The following AHNAK variants were observed in gnomAD, a reference collection of about 807,000 sequenced individuals.
The protein encoded by AHNAK is neuroblast differentiation-associated protein AHNAK.
In AHNAK, 23 loss-of-function variants were observed where a neutral mutation model predicts 37.8. The ratio of observed to expected loss-of-function variants is 0.61; its 90% CI spans 0.44 to 0.86. The LOEUF is 0.86. AHNAK is among the 40% of genes least tolerant of loss of function. The pLI, the probability that AHNAK is intolerant of heterozygous loss-of-function variation, is 0.00. For synonymous variants in AHNAK, 2,481 were observed against 2,636.3 expected (o/e 0.94, Z 1.80); for missense variants, 7,411 against 7,319.4 (o/e 1.01, Z -0.46).
intron 5 of AHNAK, among the ~76,000 whole-genome samples, chr11:62,478,598 A>G (rs1939197101): frequency 6.6e-6 from 1 of 151,912 alleles, no homozygotes; most frequent in African/African-American, 2.4e-5. Flanking sequence ...AACGACAAAA[A>G]TTAGCTGGGC....
At chr11:62,464,545 G>C (rs955545304) in intron 5 of AHNAK, among the ~76,000 whole-genome samples, 28 of 152,082 alleles carry the variant, frequency 1.8e-4, no homozygotes, top group African/African-American at 6.8e-4. Context: ...CCACGCACCT[G>C]TAGTCCCAGC....
chr11:62,487,238 C>T (rs901752439), intron 5 of AHNAK, among the ~76,000 whole-genome samples: 1 of 152,206 alleles, frequency 6.6e-6, no homozygotes, highest in Non-Finnish European at 1.5e-5. Context: ...GGCAATAGTT[C>T]GCTTTATCTT....
At chr11:62,484,024 G>A (rs1189833147) in intron 5 of AHNAK, among the ~76,000 whole-genome samples, 91 of 111,418 alleles carry the variant, frequency 8.2e-4, no homozygotes, top group African/African-American at 2.9e-3. Context: ...GCAACAGAGC[G>A]AGACTCCATC....
chr11:62,518,906 G>A lies in AHNAK; in HGVS notation c.15511C>T (p.Pro5171Ser), dbSNP rs1940124333. The change falls in exon 5 of 5, where the codon CCT becomes TCT. Residue 5171 changes from proline to serine, a missense_variant. Transcript: ENST00000378024. Reference protein sequence around the residue: ...GPKVQANLGAPDINIEGLDAK... With the variant: ...GPKVQANLGASDINIEGLDAK... ...TCTAGGCCTTCGATGTTGATGTCAG[G>A]TGCACCCAAGTTTGCCTGCACTTTG... is the stretch of plus-strand genomic sequence containing the variant. 1.1e-5 allele frequency: 17 copies of A among 1,614,202 alleles called. No individual in the cohort carries two copies. The highest frequency in any genetic ancestry group is 1.4e-5 in the Non-Finnish European group (17 of 1,180,034).
chr11:62,461,540 G>T (rs898467582), intron 5 of AHNAK, among the ~76,000 whole-genome samples: 1 of 152,096 alleles, frequency 6.6e-6, no homozygotes, highest in Non-Finnish European at 1.5e-5. Flanking sequence ...AGTTAGAGAA[G>T]GGCCAAGCCT....
chr11:62,509,355 G>A (rs1306706886), intron 4 of AHNAK, among the ~76,000 whole-genome samples: 2 of 151,716 alleles, frequency 1.3e-5, no homozygotes, highest in Non-Finnish European at 2.9e-5. Context: ...ATCACTTGAG[G>A]TCAGGAGTTC....
At chr11:62,479,377 G>A (rs1052970945) in intron 5 of AHNAK, among the ~76,000 whole-genome samples, 2 of 151,610 alleles carry the variant, frequency 1.3e-5, no homozygotes, top group African/African-American at 4.8e-5. Context: ...ACGTTGGTCA[G>A]GCTGATCTCG....
chr11:62,475,183 G>A (rs1173619538), intron 5 of AHNAK, among the ~76,000 whole-genome samples: 2 of 152,114 alleles, frequency 1.3e-5, no homozygotes, highest in South Asian at 2.1e-4. Context: ...GGTGCCTGTA[G>A]TCCCAGCTAC....
intron 1 of AHNAK, among the ~76,000 whole-genome samples, chr11:62,541,322 G>T (rs947450966): frequency 1.3e-5 from 2 of 152,180 alleles, no homozygotes; most frequent in African/African-American, 4.8e-5. Flanking sequence ...GAGGGTACCG[G>T]CCACAGTGAA....
At chr11:62,455,461 A>T (rs1466279691) in intron 5 of AHNAK, among the ~76,000 whole-genome samples, 1 of 151,450 alleles carries the variant, frequency 6.6e-6, no homozygotes, top group Non-Finnish European at 1.5e-5. Flanking sequence ...ATCCCAGCAC[A>T]TTGGGAGGTC....
rs745967516 is a variant in AHNAK, at chr11:62,524,596, G to C, written c.9821C>G (p.Ala3274Gly). 6.2e-7 allele frequency: 1 copy of C among 1,613,730 alleles called. No homozygotes were observed. Among genetic ancestry groups the C allele is most frequent in the African/African-American group, 1.3e-5 (1 of 74,874 alleles). ...CTTCAGTTTTGGACCTTTTAATTTG[G>C]CATCTGGGCCATGAATGTCAATATC... is the stretch of plus-strand genomic sequence containing the variant. ...APDIDIHGPD[A>G]KLKGPKLKMP... Residue 3274 changes from alanine to glycine, a missense_variant, in exon 5 of 5, where the codon GCC (alanine) becomes GGC (glycine). Transcript: ENST00000378024.
intron 1 of AHNAK, among the ~76,000 whole-genome samples, chr11:62,543,698 T>A (rs1215237391): frequency 6.6e-6 from 1 of 151,834 alleles, no homozygotes; most frequent in Non-Finnish European, 1.5e-5. Context: ...GCCTTGGGAG[T>A]CCCACCGGAT....
At chr11:62,441,690 T>C (rs986742524) in intron 5 of AHNAK, among the ~76,000 whole-genome samples, 5 of 151,822 alleles carry the variant, frequency 3.3e-5, no homozygotes, top group African/African-American at 1.2e-4. Context: ...TCAGTAGAGA[T>C]GGGGTTTCAC....
rs758110587 is a variant in AHNAK, at chr11:62,528,203, A to G, written c.6214T>C (p.Leu2072=). The change falls in exon 5 of 5, where the codon TTG becomes CTG. Residue 2072 remains leucine, a synonymous_variant. Coordinates refer to ENST00000378024, the MANE Select transcript of AHNAK (RefSeq NM_001620.3). ...GAGACAACAACATCAGCCTTGGGCA[A>G]GTTCACATCCACTTCTGGGCCCTCT... ...KAEGPEVDVN[L]PKADVVVSGP... 1.6e-5 allele frequency: 26 copies of G among 1,613,788 alleles called. No homozygotes were observed. Among genetic ancestry groups the G allele is most frequent in the Non-Finnish European group, 2.0e-5 (24 of 1,179,992 alleles).
chr11:62,444,686 G>T (rs904891565), intron 5 of AHNAK, among the ~76,000 whole-genome samples: 13 of 152,194 alleles, frequency 8.5e-5, no homozygotes, highest in African/African-American at 3.1e-4. Flanking sequence ...CCTTTCCCAT[G>T]GGGCACAGCA....
At chr11:62,433,870 C>G (rs1938101495) in exon 6 of AHNAK, 3 of 1,613,884 alleles carry the variant, frequency 1.9e-6, no homozygotes, top group Non-Finnish European at 2.5e-6. Context: ...GGGTGGTTTT[C>G]TTCCTGGCCG....
chr11:62,509,394 C>CA (rs1939867443), intron 4 of AHNAK, among the ~76,000 whole-genome samples: 1 of 152,070 alleles, frequency 6.6e-6, no homozygotes, highest in Non-Finnish European at 1.5e-5. Context: ...ACTAAAAATA[C>CA]AAAAAATTAG....
Position 62,483,198 on chromosome 11 carries a change from G to A in AHNAK, c.442+8534C>T, listed in dbSNP as rs1237529480. Reference sequence around the variant, plus strand: ...GACGCTACGTGGCAACAGCATCGGGGTAGGGTGGGCTGCAGGCCTTCTGCT... The same window carrying A: ...GACGCTACGTGGCAACAGCATCGGGATAGGGTGGGCTGCAGGCCTTCTGCT... On this transcript the variant is annotated intron_variant, in intron 5 of 5. Coordinates refer to the AHNAK transcript ENST00000257247. 2.0e-5 allele frequency among the ~76,000 whole-genome samples: 3 copies of A among 152,324 alleles called. No individual in the cohort carries two copies. In the South Asian group the frequency reaches 6.2e-4, roughly 32 times the overall value.
rs1940205105 is a variant in AHNAK, at chr11:62,520,648, G to A, written c.13769C>T (p.Ala4590Val). Reference protein sequence around the residue: ...KFKMPDLHLKAPKISMPEVDL... With the variant: ...KFKMPDLHLKVPKISMPEVDL... ...AACTTCAGGCATAGAGATCTTCGGT[G>A]CCTTGAGGTGTAAGTCAGGCATTTT... Residue 4590 changes from alanine (A) to valine (V), a missense_variant, in exon 5 of 5, where the codon GCA becomes GTA. By Grantham distance (64) the Ala-to-Val change is moderately conservative. Transcript: ENST00000378024. The A allele has an allele frequency of 6.2e-7, 1 of 1,613,982 alleles. No individual in the cohort carries two copies. The highest frequency in any genetic ancestry group is 1.3e-5 in the African/African-American group (1 of 74,878).
Sources: allele counts gnomAD v4.1 joint callset (sites outside exome capture counted in the v4.1 genomes callset), GRCh38; gene constraint gnomAD v4.1.1; transcripts MANE v1.5; gene names NCBI Gene and HGNC (gene_info 2026-07-23, HGNC 2026-07-21).